The following C12orf42 variants were observed in gnomAD, a reference collection of about 807,000 sequenced individuals.
The protein encoded by C12orf42 is chromosome 12 open reading frame 42.
In C12orf42, 25 loss-of-function variants were observed where a neutral mutation model predicts 21.6. That is an observed-to-expected ratio of 1.16 (90% CI 0.84 to 1.62). The LOEUF (loss-of-function observed/expected upper bound fraction) is 1.62, where lower values mean the gene tolerates loss of function less well. C12orf42 is among the 40% of genes most tolerant of loss of function. The probability of loss-of-function intolerance (pLI) is 0.00; values close to 1 mark genes in which losing one functional copy is unlikely to be tolerated. For synonymous variants in C12orf42, 174 were observed against 175.0 expected (o/e 0.99, Z 0.05); for missense variants, 483 against 459.3 (o/e 1.05, Z -0.47).
At chr12:103,120,411 A>G in the C12orf42 span, among the ~76,000 whole-genome samples, 1 of 152,210 alleles carries the variant, frequency 6.6e-6, no homozygotes, top group Non-Finnish European at 1.5e-5. Context: ...AGGTAAAGAG[A>G]TAATCATTTG....
chr12:103,330,129 T>C (rs1413095513), intron 4 of C12orf42, among the ~76,000 whole-genome samples: 1 of 152,180 alleles, frequency 6.6e-6, no homozygotes, highest in African/African-American at 2.4e-5. Context: ...AATTTTATAA[T>C]ATCTTTCTTC....
At chr12:103,116,565 T>C in the C12orf42 span, among the ~76,000 whole-genome samples, 1 of 152,014 alleles carries the variant, frequency 6.6e-6, no homozygotes, top group Non-Finnish European at 1.5e-5. Context: ...GAGTTGTTAA[T>C]AAAAAACAGT....
At chr12:103,401,910 C>T (rs137944876) in intron 2 of C12orf42, among the ~76,000 whole-genome samples, 160 of 152,132 alleles carry the variant, frequency 1.1e-3, no homozygotes, top group African/African-American at 3.4e-3. Context: ...CAGGTATTAA[C>T]GAAATAATCA....
intron 4 of C12orf42, among the ~76,000 whole-genome samples, chr12:103,281,927 G>GAAAGAAAGAAAGA (rs2036155042): frequency 6.9e-6 from 1 of 145,914 alleles, no homozygotes; most frequent in African/African-American, 2.7e-5. Context: ...AAGAAAGAAA[G>GAAAGAAAGAAAGA]AAAGAAAGAA....
intron 10 of C12orf42, among the ~76,000 whole-genome samples, chr12:103,240,454 C>T (rs2136165503): frequency 6.6e-6 from 1 of 152,320 alleles, no homozygotes; most frequent in African/African-American, 2.4e-5. Context: ...GCCAGACCAT[C>T]TGGTTTCAGA....
chr12:103,267,536 C>T (rs972493384), downstream of C12orf42: 1 of 152,050 alleles, frequency 6.6e-6, no homozygotes, highest in Non-Finnish European at 1.5e-5. Flanking sequence ...AATAGTATCA[C>T]AATTGATTAT....
chr12:103,468,671 G>A (rs1953335134), intron 2 of C12orf42, among the ~76,000 whole-genome samples: 1 of 151,872 alleles, frequency 6.6e-6, no homozygotes, highest in Non-Finnish European at 1.5e-5. Flanking sequence ...AACTGCTATT[G>A]CTGCTTACAA....
the C12orf42 span, chr12:103,178,222 C>T: frequency 1.6e-4 from 24 of 152,308 alleles, no homozygotes; most frequent in African/African-American, 5.8e-4. Flanking sequence ...CACCACACAA[C>T]AAAAGTATAA....
intron 10 of C12orf42, among the ~76,000 whole-genome samples, chr12:103,250,397 G>A (rs1423005324): frequency 1.3e-5 from 2 of 151,990 alleles, no homozygotes; most frequent in Non-Finnish European, 2.9e-5. Flanking sequence ...AAAAGCACAA[G>A]CCTTTTCTCC....
At chr12:103,525,504 C>T in the C12orf42 span, among the ~76,000 whole-genome samples, 2 of 152,154 alleles carry the variant, frequency 1.3e-5, no homozygotes, top group Admixed American at 1.3e-4. Context: ...AAGCTTGGCA[C>T]TGATCCAAGC....
chr12:103,285,061 G>T (rs1189003639), intron 4 of C12orf42, among the ~76,000 whole-genome samples: 9 of 152,052 alleles, frequency 5.9e-5, no homozygotes, highest in Admixed American at 2.6e-4. Flanking sequence ...CTGGCTTCTG[G>T]CTTAAATACA....
At chr12:103,318,051 C>G (rs983090823) in intron 4 of C12orf42, among the ~76,000 whole-genome samples, 1 of 152,102 alleles carries the variant, frequency 6.6e-6, no homozygotes, top group African/African-American at 2.4e-5. Context: ...TCTGTAATCT[C>G]AGCACTTTAG....
chr12:103,164,577 A>G, the C12orf42 span: 2 of 418,992 alleles, frequency 4.8e-6, no homozygotes, highest in Admixed American at 5.3e-5. Flanking sequence ...TATAAAAGAC[A>G]TTGTCCTGAA....
At chr12:103,475,269 C>T (rs927053359) in intron 2 of C12orf42, among the ~76,000 whole-genome samples, 1 of 152,186 alleles carries the variant, frequency 6.6e-6, no homozygotes, top group African/African-American at 2.4e-5. Flanking sequence ...CACACTGGGC[C>T]CCCACAGTTG....
intron 10 of C12orf42, among the ~76,000 whole-genome samples, chr12:103,242,503 T>C (rs932296461): frequency 2.0e-5 from 3 of 152,158 alleles, no homozygotes; most frequent in East Asian, 3.8e-4. Context: ...TCACCCTGTC[T>C]TTTTAAAAAG....
At chr12:103,146,586 A>C in the C12orf42 span, among the ~76,000 whole-genome samples, 1 of 151,084 alleles carries the variant, frequency 6.6e-6, no homozygotes, top group Non-Finnish European at 1.5e-5. Context: ...GAAAGAAAGA[A>C]AGAAAGAAAG....
At chr12:103,555,478 GA>G in the C12orf42 span, among the ~76,000 whole-genome samples, 1 of 152,216 alleles carries the variant, frequency 6.6e-6, no homozygotes, top group African/African-American at 2.4e-5. Context: ...TTTGGGTGGG[GA>G]CACAGCCAAA....
chr12:103,262,660 C>G (rs2034955764), intron 10 of C12orf42, among the ~76,000 whole-genome samples: 1 of 152,044 alleles, frequency 6.6e-6, no homozygotes, highest in African/African-American at 2.4e-5. Flanking sequence ...ACAACAGATG[C>G]TGGAGAGGAT....
intron 2 of C12orf42, among the ~76,000 whole-genome samples, chr12:103,412,723 C>T (rs2048957011): frequency 6.6e-6 from 1 of 152,186 alleles, no homozygotes; most frequent in Admixed American, 6.5e-5. Flanking sequence ...ATTAGTGATG[C>T]TGGGCATTTT....
Sources: allele counts gnomAD v4.1 joint callset (sites outside exome capture counted in the v4.1 genomes callset), GRCh38; gene constraint gnomAD v4.1.1; transcripts MANE v1.5; gene names NCBI Gene and HGNC (gene_info 2026-07-23, HGNC 2026-07-21).